Variants in NFIA observed in about 807,000 individuals in gnomAD.
The protein encoded by NFIA is nuclear factor I A, also known as nuclear factor 1 A-type.
Under a neutral mutation model 62.8 loss-of-function variants are expected in NFIA, and 8 were observed. The ratio of observed to expected loss-of-function variants is 0.13; its 90% CI spans 0.07 to 0.23. NFIA has a LOEUF of 0.23. Among genes scored for constraint, NFIA ranks in the 10% least tolerant of loss-of-function variants. NFIA has a pLI of 1.00. For synonymous variants in NFIA, 235 were observed against 238.1 expected, an observed-to-expected ratio of 0.99 and a Z score of 0.12; for missense variants, 410 against 642.1, an observed-to-expected ratio of 0.64 and a Z score of 3.91.
At chr1:61,340,352 G>A (rs1047632336) in intron 4 of NFIA, among the ~76,000 whole-genome samples, 6 of 152,152 alleles carry the variant, frequency 3.9e-5, no homozygotes, top group African/African-American at 1.4e-4. Context: ...AAACAGTACA[G>A]GATATAGAGT....
At chr1:61,137,753 T>C (rs1338041684) in intron 2 of NFIA, among the ~76,000 whole-genome samples, 2 of 152,302 alleles carry the variant, frequency 1.3e-5, no homozygotes, top group East Asian at 3.9e-4. Context: ...TTGCCCATAG[T>C]ATTAAGCCTA....
intron 10 of NFIA, among the ~76,000 whole-genome samples, chr1:61,449,763 ACTTT>A (rs1221969679): frequency 1.3e-5 from 2 of 152,246 alleles, no homozygotes; most frequent in African/African-American, 4.8e-5. Flanking sequence ...CTGAAAACAG[ACTTT>A]CTTTAATTAA....
At chr1:61,090,242 C>T (rs1259224221) in intron 2 of NFIA, among the ~76,000 whole-genome samples, 1 of 152,218 alleles carries the variant, frequency 6.6e-6, no homozygotes, top group African/African-American at 2.4e-5. Flanking sequence ...ATAGGTGTTA[C>T]AGGTGCTTTC....
intron 2 of NFIA, among the ~76,000 whole-genome samples, chr1:61,187,170 G>C (rs1651246318): frequency 6.6e-6 from 1 of 152,108 alleles, no homozygotes; most frequent in East Asian, 1.9e-4. Flanking sequence ...CTTGGCATAT[G>C]GTAAGCATTT....
intron 3 of NFIA, among the ~76,000 whole-genome samples, chr1:61,324,455 A>C (rs149661852): frequency 9.9e-4 from 151 of 152,322 alleles, no homozygotes; most frequent in African/African-American, 3.5e-3. Context: ...TACATCCCTT[A>C]ACCAGACGAG....
At chr1:61,131,257 A>C (rs1647068421) in intron 2 of NFIA, among the ~76,000 whole-genome samples, 1 of 152,052 alleles carries the variant, frequency 6.6e-6, no homozygotes, top group Non-Finnish European at 1.5e-5. Context: ...CTGGCTAGGA[A>C]AGTAACTAAA....
chr1:61,347,670 C>T (rs1662314432), intron 4 of NFIA, among the ~76,000 whole-genome samples: 1 of 152,132 alleles, frequency 6.6e-6, no homozygotes, highest in African/African-American at 2.4e-5. Flanking sequence ...CTAGCACATT[C>T]TTTGCATTTT....
upstream of NFIA, chr1:61,081,741 T>G: frequency 2.4e-6 from 2 of 821,746 alleles, no homozygotes; most frequent in Non-Finnish European, 3.7e-6. Flanking sequence ...TGGGCACTGA[T>G]TCCTCACCAC....
intron 10 of NFIA, among the ~76,000 whole-genome samples, chr1:61,440,119 G>T (rs1342131664): frequency 2.0e-5 from 3 of 152,132 alleles, no homozygotes; most frequent in Admixed American, 2.0e-4. Context: ...TCCTAGTTAA[G>T]ATTATAAAAT....
chr1:61,238,359 C>T (rs1210948178), intron 2 of NFIA, among the ~76,000 whole-genome samples: 2 of 152,204 alleles, frequency 1.3e-5, no homozygotes, highest in East Asian at 1.9e-4. Context: ...GGCCTAGCTT[C>T]CTAGCAGTTG....
chr1:61,185,207 G>T (rs1651080723), intron 2 of NFIA, among the ~76,000 whole-genome samples: 1 of 152,166 alleles, frequency 6.6e-6, no homozygotes, highest in African/African-American at 2.4e-5. Context: ...AGCAAGTTAT[G>T]TAAGCCCACT....
At chr1:61,361,387 T>C (rs1007884026) in intron 6 of NFIA, among the ~76,000 whole-genome samples, 3 of 152,184 alleles carry the variant, frequency 2.0e-5, no homozygotes, top group African/African-American at 7.2e-5. Context: ...CTTTGAACCC[T>C]TTTTCAAAGG....
intron 4 of NFIA, among the ~76,000 whole-genome samples, chr1:61,350,424 A>G (rs1482497456): frequency 6.6e-6 from 1 of 152,038 alleles, no homozygotes; most frequent in African/African-American, 2.4e-5. Flanking sequence ...TTAGACTGGA[A>G]GTTCAATACC....
intron 2 of NFIA, among the ~76,000 whole-genome samples, chr1:61,221,408 T>G (rs578127792): frequency 6.6e-6 from 1 of 152,178 alleles, no homozygotes; most frequent in South Asian, 2.1e-4. Context: ...TGGAAGGAAA[T>G]CCTACTTTGC....
intron 4 of NFIA, among the ~76,000 whole-genome samples, chr1:61,348,914 A>G (rs1160586745): frequency 6.6e-6 from 1 of 152,208 alleles, no homozygotes; most frequent in African/African-American, 2.4e-5. Flanking sequence ...TGTGAAAAAC[A>G]TCTAAATCCA....
intron 2 of NFIA, among the ~76,000 whole-genome samples, chr1:61,237,532 G>C (rs1311070693): frequency 6.6e-6 from 1 of 152,166 alleles, no homozygotes; most frequent in Non-Finnish European, 1.5e-5. Context: ...TGGCAGAATA[G>C]GTAAAAGCAA....
chr1:61,389,792 A>G (rs1664877652), intron 7 of NFIA, among the ~76,000 whole-genome samples: 1 of 150,332 alleles, frequency 6.7e-6, no homozygotes, highest in South Asian at 2.1e-4. Flanking sequence ...AGCCTTTTTT[A>G]TTAGTCCATA....
At chr1:61,136,710 A>G (rs1478477431) in intron 2 of NFIA, among the ~76,000 whole-genome samples, 1 of 152,192 alleles carries the variant, frequency 6.6e-6, no homozygotes, top group African/African-American at 2.4e-5. Context: ...ATGGATCTTT[A>G]TATGCTGGGA....
intron 6 of NFIA, among the ~76,000 whole-genome samples, chr1:61,375,458 T>G (rs1237732291): frequency 6.6e-6 from 1 of 152,176 alleles, no homozygotes; most frequent in Non-Finnish European, 1.5e-5. Flanking sequence ...AGAAGAAACA[T>G]GTTCAAGTGT....
Sources: gnomAD v4.1 joint callset for allele counts (sites outside exome capture counted in the v4.1 genomes callset) on GRCh38, gnomAD v4.1.1 for gene constraint, MANE v1.5 for transcripts, NCBI Gene and HGNC (gene_info 2026-07-23, HGNC 2026-07-21) for gene names.